Variants in SLC25A29 observed in about 807,000 individuals in gnomAD.
SLC25A29 encodes the protein solute carrier family 25 member 29, also known as mitochondrial basic amino acids transporter.
SLC25A29 carries 13 observed loss-of-function variants against 10.0 expected under a neutral mutation model. The observed-to-expected ratio is 1.30, with a 90% CI of 0.85 to 2.07. The LOEUF (loss-of-function observed/expected upper bound fraction) is 2.07. SLC25A29 is among the 30% of genes most tolerant of loss of function. The pLI, the probability that SLC25A29 is intolerant of heterozygous loss-of-function variation, is 0.00. For synonymous variants in SLC25A29, 244 were observed against 221.1 expected, an observed-to-expected ratio of 1.10 and a Z score of -0.92; for missense variants, 475 against 447.6, an observed-to-expected ratio of 1.06 and a Z score of -0.55.
Position 100,298,808 on chromosome 14 carries a change from G to A in SLC25A29, c.78+34C>T, listed in dbSNP as rs778217598. The A allele has an allele frequency of 3.5e-5, 57 of 1,613,934 alleles. No individual in the cohort carries two copies. The Middle Eastern group carries it at 4.9e-4, about 14-fold the overall frequency. ...CCCTGTGAGCCTCTCTCCAATGTAC[G>A]CGCCGAGGAAAAAAAAGCAGCGATG... is the stretch of plus-strand genomic sequence containing the variant. On this transcript the variant is annotated intron_variant, in intron 2 of 3. Transcript: ENST00000359232.
the SLC25A29 span, among the ~76,000 whole-genome samples, chr14:100,284,352 T>G: frequency 6.6e-6 from 1 of 152,168 alleles, no homozygotes; most frequent in Non-Finnish European, 1.5e-5. Flanking sequence ...CCTCCTGGCC[T>G]TGGAAGGGTC....
At chr14:100,295,100 G>C (rs1248978014) in intron 2 of SLC25A29, 1 of 160,258 alleles carries the variant, frequency 6.2e-6, no homozygotes, top group African/African-American at 2.4e-5. Flanking sequence ...AGTCTTTGCA[G>C]ATCACAGACA....
In SLC25A29 at chr14:100,292,402, TG is replaced by T; in HGVS notation, c.792del (p.Thr265ProfsTer82). ...AGCACCACCGTGACGGTGGCGAAGG[TG>T]GCAGCGTTGACGGGGAAGGCGCGCA... ...TLLRAFPVNA[A>X]TFATVTVVLT... On this transcript the variant is annotated frameshift_variant, in exon 4 of 4. Transcript: ENST00000359232. LOFTEE classifies it low-confidence loss of function (END_TRUNC). 1 of 1,572,742 alleles carries T rather than the reference TG, an allele frequency of 6.4e-7. No homozygotes were observed.
At chr14:100,304,674 C>G (rs1892794672) in intron 1 of SLC25A29, among the ~76,000 whole-genome samples, 1 of 152,148 alleles carries the variant, frequency 6.6e-6, no homozygotes, top group Non-Finnish European at 1.5e-5. Flanking sequence ...CCCAGGTGGG[C>G]CTATGAGGAT....
chr14:100,300,735 A>G (rs1892485317), intron 1 of SLC25A29, among the ~76,000 whole-genome samples: 1 of 152,146 alleles, frequency 6.6e-6, no homozygotes, highest in Non-Finnish European at 1.5e-5. Context: ...AAACAACTGT[A>G]TCTGGATTTT....
Position 100,291,865 on chromosome 14 carries a change from T to G in SLC25A29, c.*418A>C. 7.8e-6 allele frequency: 2 copies of G among 255,370 alleles called. No individual in the cohort carries two copies. The highest frequency in any genetic ancestry group is 1.5e-5 in the Non-Finnish European group (2 of 130,940). 15.8% of individuals were successfully genotyped at this position (255,370 alleles called of 1,614,324 possible). On this transcript the variant is annotated 3_prime_UTR_variant, in exon 4 of 4. Transcript: ENST00000359232. ...CCCCCCGGGTGGAGGATGTGTGGAG[T>G]TAGAGGTCCCTGGGTGGCCCCTTGG...
At chr14:100,295,926 G>T (rs141664299) in intron 2 of SLC25A29, 1 of 1,287,274 alleles carries the variant, frequency 7.8e-7, no homozygotes, top group Non-Finnish European at 1.0e-6. Context: ...GTGTGCTTCA[G>T]GACGGTGGCT....
At chr14:100,279,092 A>G in the SLC25A29 span, 12 of 152,228 alleles carry the variant, frequency 7.9e-5, no homozygotes, top group African/African-American at 2.7e-4. Context: ...ATTCTGCTCA[A>G]TGAGTACCTC....
At position 100,292,555 on chromosome 14, in the gene SLC25A29, T is replaced by G; in HGVS notation, c.640A>C (p.Lys214Gln). Residue 214 changes from lysine (K) to glutamine (Q), a missense_variant, in exon 4 of 4, where the codon AAG becomes CAG. Transcript: ENST00000359232. ...AGTCCGTCCGCCTGCAGCCGCGACT[T>G]GACCACGTCCACAGGATAGGTAGAG... Reference protein sequence around the residue: ...WLSTYPVDVVKSRLQADGLRG... With the variant: ...WLSTYPVDVVQSRLQADGLRG... The G allele has an allele frequency of 6.2e-7, 1 of 1,601,514 alleles. No homozygotes were observed. The highest frequency in any genetic ancestry group is 8.5e-7 in the Non-Finnish European group (1 of 1,174,918).
chr14:100,297,212 T>C (rs1335446964), intron 2 of SLC25A29, among the ~76,000 whole-genome samples: 2 of 152,200 alleles, frequency 1.3e-5, no homozygotes, highest in Non-Finnish European at 2.9e-5. Flanking sequence ...GGATCACATA[T>C]AGATCTTCTC....
the SLC25A29 span, chr14:100,281,679 T>TA: frequency 6.6e-6 from 1 of 152,272 alleles, no homozygotes; most frequent in Admixed American, 6.5e-5. Flanking sequence ...GAATCATGCT[T>TA]ACCTGCACGG....
Position 100,293,375 on chromosome 14 carries a change from T to C in SLC25A29, c.81A>G (p.Val27=), listed in dbSNP as rs556235549. The C allele has an allele frequency of 6.2e-6, 10 of 1,612,792 alleles. No homozygotes were observed. The African/African-American group carries it at 1.1e-4, about 17-fold the overall frequency. The change falls in exon 3 of 4, where the codon GTA becomes GTG. Residue 27 remains valine, a splice_region_variant and synonymous_variant. Transcript: ENST00000359232. ...TCTCCACGCTCTGGACCTGAAGCCGTACCTGGAAGGAGAGGGTCCAGTGAG... is the reference window on the plus strand; with the variant it reads ...TCTCCACGCTCTGGACCTGAAGCCGCACCTGGAAGGAGAGGGTCCAGTGAG... ...LVGHPFDTVK[V]RLQVQSVEKP...
downstream of SLC25A29, among the ~76,000 whole-genome samples, chr14:100,289,491 C>T (rs1341294290): frequency 1.3e-5 from 2 of 152,186 alleles, no homozygotes; most frequent in Non-Finnish European, 2.9e-5. Context: ...CTGCACAAGC[C>T]TGGATTCTGG....
rs1172369361 is a variant in SLC25A29 at position 100,292,677 on chromosome 14, T to C, written c.518A>G (p.Asp173Gly). The C allele has an allele frequency of 1.9e-6, 3 of 1,602,292 alleles. No individual in the cohort carries two copies. Among genetic ancestry groups the C allele is most frequent in the Non-Finnish European group, 1.7e-6 (2 of 1,176,092 alleles). The change falls in exon 4 of 4, where the codon GAC (aspartate) becomes GGC (glycine). Residue 173 changes from aspartate (D) to glycine (G), a missense_variant. Transcript: ENST00000359232. ...PSFGVYFLTY[D>G]ALTRALGCEP... Reference sequence around the variant, plus strand: ...GCAGCCCAGCGCCCGCGTGAGAGCGTCATAGGTGAGGAAGTAGACGCCGAA... The same window carrying C: ...GCAGCCCAGCGCCCGCGTGAGAGCGCCATAGGTGAGGAAGTAGACGCCGAA...
chr14:100,300,179 G>A (rs1311334519), intron 1 of SLC25A29, among the ~76,000 whole-genome samples: 1 of 152,200 alleles, frequency 6.6e-6, no homozygotes, highest in Non-Finnish European at 1.5e-5. Context: ...GCTGAGGTGG[G>A]AGAATTGCTT....
rs201377398 is a variant in SLC25A29 at position 100,306,275 on chromosome 14, CCT to C, written c.-45_-44del. 74,855 of 1,390,838 alleles carry C rather than the reference CCT, an allele frequency of 0.054. 2,201 individuals are homozygous for C. The highest frequency in any genetic ancestry group is 0.06 in the Non-Finnish European group (64,426 of 1,075,738). The allele number at this position is 1,390,838 out of a possible 1,614,324, so 86.2% of individuals were successfully genotyped here. A position where few individuals can be genotyped will look rare whatever the true frequency, so the allele number is the denominator to read the frequency against. On this transcript the variant is annotated 5_prime_UTR_variant, in exon 1 of 4. Coordinates refer to ENST00000359232, the MANE Select transcript of SLC25A29 (RefSeq NM_001039355.3). ...GGCCGCCTTTCCTCCTCGTCCTCCC[CCT>C]GAGGCCCCTCGCCGGGCTGGGCGCC... is the stretch of plus-strand genomic sequence containing the variant.
At chr14:100,299,288 A>C (rs1595366033) in intron 1 of SLC25A29, 2 of 1,028,744 alleles carry the variant, frequency 1.9e-6, no homozygotes, top group Non-Finnish European at 2.3e-6. Flanking sequence ...TTGGGGTCAG[A>C]CCCTCCCCAG....
At chr14:100,296,051 T>C (rs1338478998) in intron 2 of SLC25A29, 2 of 1,276,756 alleles carry the variant, frequency 1.6e-6, no homozygotes, top group Middle Eastern at 2.7e-4. Context: ...CATGTGACAG[T>C]ACGGACTGAC....
At chr14:100,290,008 C>T (rs530806264), downstream of SLC25A29, among the ~76,000 whole-genome samples, 40 of 152,318 alleles carry the variant, frequency 2.6e-4, no homozygotes, top group Admixed American at 1.9e-3. Flanking sequence ...TGCTCCTTGC[C>T]GCACCACTCC....
Sources: allele counts gnomAD v4.1 joint callset (sites outside exome capture counted in the v4.1 genomes callset), GRCh38; gene constraint gnomAD v4.1.1; transcripts MANE v1.5; gene names NCBI Gene and HGNC (gene_info 2026-07-23, HGNC 2026-07-21).